The following TP53I11 variants were observed in gnomAD, a reference collection of about 807,000 sequenced individuals.
TP53I11 encodes tumor protein p53-inducible protein 11.
TP53I11 carries 9 observed loss-of-function variants against 23.3 expected under a neutral mutation model. That is an observed-to-expected ratio of 0.39 (90% CI 0.23 to 0.67). The LOEUF (loss-of-function observed/expected upper bound fraction) is 0.67, where lower values mean the gene tolerates loss of function less well. Among genes scored for constraint, TP53I11 ranks in the 30% least tolerant of loss-of-function variants. The pLI is 0.48. For missense variants in TP53I11, 170 were observed against 255.2 expected (o/e 0.67, Z 2.27); for synonymous variants, 100 against 106.1 (o/e 0.94, Z 0.35).
intron 1 of TP53I11, among the ~76,000 whole-genome samples, chr11:44,946,220 C>T (rs141808091): frequency 2.0e-5 from 3 of 152,230 alleles, no homozygotes; most frequent in Admixed American, 6.5e-5. Context: ...ATCCTCACAG[C>T]GGCCTCTGGG....
intron 1 of TP53I11, among the ~76,000 whole-genome samples, chr11:44,944,695 C>T (rs1374874661): frequency 6.6e-6 from 1 of 152,188 alleles, no homozygotes; most frequent in Admixed American, 6.5e-5. Context: ...CCTCTCTGAG[C>T]CTCTATGTCC....
Position 44,936,880 on chromosome 11 carries a change from T to A in TP53I11, c.257A>T (p.Gln86Leu). 1 of 1,608,132 alleles carries A rather than the reference T, an allele frequency of 6.2e-7. No individual in the cohort carries two copies. Among genetic ancestry groups the A allele is most frequent in the Non-Finnish European group, 8.5e-7 (1 of 1,177,982 alleles). Residue 86 changes from glutamine to leucine, a missense_variant, in exon 5 of 7, where the codon CAG becomes CTG. Transcript: ENST00000525680. This position sits in a 1 kb window ranked among gnomAD's most constrained non-coding sequence, Gnocchi z 4.4. Reference sequence around the variant, plus strand: ...TCCATCAAAGACCGCATCATAGAGCTGGTCAGGGAAGGCAAGCGCCTGCGG... The same window carrying A: ...TCCATCAAAGACCGCATCATAGAGCAGGTCAGGGAAGGCAAGCGCCTGCGG... ...IAIMALAFPD[Q>L]LYDAVFDGAQ...
Position 44,933,763 on chromosome 11 carries a change from G to A in TP53I11, c.*1121C>T, listed in dbSNP as rs1860796176. ...GCTGAAATGTTTCTACTTATTTCCTGTGCTGAGTTGGAGGGCCACCTGATC... is the reference window on the plus strand; with the variant it reads ...GCTGAAATGTTTCTACTTATTTCCTATGCTGAGTTGGAGGGCCACCTGATC... On this transcript the variant is annotated 3_prime_UTR_variant, in exon 7 of 7. Transcript: ENST00000525680. 6.6e-6 allele frequency: 1 copy of A among 152,386 alleles called. No homozygotes were observed. Among genetic ancestry groups the A allele is most frequent in the African/African-American group, 2.4e-5 (1 of 41,446 alleles). 9.4% of individuals were successfully genotyped at this position (152,386 alleles called of 1,614,324 possible). A position where few individuals can be genotyped will look rare whatever the true frequency, so the allele number is the denominator to read the frequency against.
chr11:44,947,428 C>A lies in TP53I11; in HGVS notation c.-32+3249G>T, dbSNP rs573453839. On this transcript the variant is annotated intron_variant, in intron 1 of 6. Coordinates refer to ENST00000525680, the MANE Select transcript of TP53I11 (RefSeq NM_006034.5). ...CCCCACTCTCCCCATGCCCCTCCCC[C>A]ACCCCGTGGCTGTTCAGGAACTTAG... Among the ~76,000 whole-genome samples the A allele has an allele frequency of 8.1e-4, 124 of 152,298 alleles. 1 individual carries two copies. The highest frequency in any genetic ancestry group is 2.0e-3 in the African/African-American group (83 of 41,568).
chr11:44,936,562 T>G lies in TP53I11; in HGVS notation c.334+241A>C, dbSNP rs926167053. 1.2e-5 allele frequency: 16 copies of G among 1,307,612 alleles called. No homozygotes were observed. Among genetic ancestry groups the G allele is most frequent in the South Asian group, 6.9e-5 (3 of 43,566 alleles). The allele number at this position is 1,307,612 out of a possible 1,614,324, so 81.0% of individuals were successfully genotyped here. A position where few individuals can be genotyped will look rare whatever the true frequency, so the allele number is the denominator to read the frequency against. On this transcript the variant is annotated intron_variant, in intron 5 of 6. Coordinates refer to ENST00000525680, the MANE Select transcript of TP53I11 (RefSeq NM_006034.5). The surrounding 1 kb of genome is among the most constrained non-coding windows in gnomAD (Gnocchi z 4.4). ...CGCCCAGAGGCAGTGCACACACTTATGAGCGCTCCTTGCAGATGGTGGCGA... is the reference window on the plus strand; with the variant it reads ...CGCCCAGAGGCAGTGCACACACTTAGGAGCGCTCCTTGCAGATGGTGGCGA...
rs185556675 is a variant in TP53I11 at position 44,942,697 on chromosome 11, G to C, written c.-31-4331C>G. Among the ~76,000 whole-genome samples the C allele has an allele frequency of 1.1e-3, 167 of 152,314 alleles. 1 individual carries two copies. In the South Asian group the frequency reaches 0.017, roughly 15 times the overall value. On this transcript the variant is annotated intron_variant, in intron 1 of 6. Coordinates refer to ENST00000525680, the MANE Select transcript of TP53I11 (RefSeq NM_006034.5). ...CACCTCCCAAGCCCACCCTAGCAGG[G>C]AGGGCATCACTCACAAAGGGCCCAT...
At chr11:44,938,101 T>A (rs190266735) in intron 2 of TP53I11, 106 bp downstream of exon 2, 13 of 1,418,160 alleles carry the variant, frequency 9.2e-6, no homozygotes, top group African/African-American at 1.5e-5. Flanking sequence ...ATCAGCTAAG[T>A]CCTAGAACTC....
rs531410466 is a variant in TP53I11 at position 44,948,859 on chromosome 11, T to A, written c.-32+1818A>T. Among the ~76,000 whole-genome samples the A allele has an allele frequency of 5.9e-5, 9 of 152,070 alleles. No homozygotes were observed. In the East Asian group the frequency reaches 1.2e-3, roughly 20 times the overall value. On this transcript the variant is annotated intron_variant, in intron 1 of 6. Coordinates refer to ENST00000525680, the MANE Select transcript of TP53I11 (RefSeq NM_006034.5). Reference sequence around the variant, plus strand: ...ACAGAGGTGGGGCTATCAAAAGAAATTGGGAGGCTGGGTGTGAGCTGGAGA... The same window carrying A: ...ACAGAGGTGGGGCTATCAAAAGAAAATGGGAGGCTGGGTGTGAGCTGGAGA...
chr11:44,935,022 G>A lies in TP53I11; in HGVS notation c.437-5C>T, dbSNP rs950020126. 2.5e-6 allele frequency: 4 copies of A among 1,613,406 alleles called. No individual in the cohort carries two copies. The highest frequency in any genetic ancestry group is 3.4e-6 in the Non-Finnish European group (4 of 1,179,952). ...CAGCTAGCGTGGCAGTGACCACTGT[G>A]GGAGAGAGTCCAGCAAGGCCACAGG... On this transcript the variant is annotated splice_polypyrimidine_tract_variant and splice_region_variant and intron_variant, in intron 6 of 6. Transcript: ENST00000525680.
chr11:44,942,422 C>T (rs1181682825), intron 1 of TP53I11, among the ~76,000 whole-genome samples: 4 of 121,656 alleles, frequency 3.3e-5, no homozygotes, highest in Admixed American at 1.8e-4. Context: ...ACCACACACA[C>T]ACACCATACA....
intron 1 of TP53I11, among the ~76,000 whole-genome samples, chr11:44,947,682 A>G (rs1862525145): frequency 6.6e-6 from 1 of 152,120 alleles, no homozygotes. Context: ...CTTAGTGGTT[A>G]AAGGACTAGC....
At chr11:44,942,242 C>G (rs1323239409) in intron 1 of TP53I11, among the ~76,000 whole-genome samples, 1 of 124,492 alleles carries the variant, frequency 8.0e-6, no homozygotes, top group African/African-American at 3.0e-5. Context: ...CCACACACCA[C>G]ACACACCCAC....
chr11:44,945,855 C>G (rs1021316759), intron 1 of TP53I11, among the ~76,000 whole-genome samples: 1 of 152,152 alleles, frequency 6.6e-6, no homozygotes, highest in African/African-American at 2.4e-5. Flanking sequence ...CCAGAGCTTG[C>G]GTCATCCGCT....
chr11:44,936,303 T>C lies in TP53I11; in HGVS notation c.334+500A>G. On this transcript the variant is annotated intron_variant, in intron 5 of 6. Coordinates refer to ENST00000525680, the MANE Select transcript of TP53I11 (RefSeq NM_006034.5). The surrounding 1 kb of genome is among the most constrained non-coding windows in gnomAD (Gnocchi z 4.4). ...GTAGGCAATAGGGAGCCATAGAATA[T>C]TTCGTAGAAATAGAGGCATATTACC... The C allele has an allele frequency of 8.6e-7, 1 of 1,164,226 alleles. No individual in the cohort carries two copies. Among genetic ancestry groups the C allele is most frequent in the Non-Finnish European group, 1.1e-6 (1 of 946,080 alleles). The allele number at this position is 1,164,226 out of a possible 1,614,324, so 72.1% of individuals were successfully genotyped here.
intron 5 of TP53I11, 31 bp from the exon 6 acceptor site, chr11:44,935,693 G>C: frequency 8.0e-7 from 1 of 1,255,384 alleles, no homozygotes; most frequent in Non-Finnish European, 1.1e-6. Context: ...GGGGCTGGGG[G>C]TGGGACAGCT....
In TP53I11 at chr11:44,935,058, G is replaced by C. The variant is rs745684062; in HGVS notation, c.437-41C>G. The C allele has an allele frequency of 1.6e-5, 26 of 1,610,582 alleles. No homozygotes were observed. In the Admixed American group the frequency reaches 2.2e-4, roughly 13 times the overall value. On this transcript the variant is annotated intron_variant, in intron 6 of 6. Transcript: ENST00000525680. ...CAGCAAGGCCACAGGGTCAGAGGAG[G>C]GGATGTGTCCCAGCGCTGCCCCCCT...
rs753197355 is a variant in TP53I11, at chr11:44,938,363, A to C, written c.-28T>G. The C allele has an allele frequency of 6.4e-7, 1 of 1,566,142 alleles. No homozygotes were observed. Among genetic ancestry groups the C allele is most frequent in the Non-Finnish European group, 8.6e-7 (1 of 1,157,126 alleles). On this transcript the variant is annotated 5_prime_UTR_variant, in exon 2 of 7. Transcript: ENST00000525680. ...TCTCCTCCAGCCCGGCCTCTGCAGAAGGGCTGAGGGGAGACACCGGCCTCA... is the reference window on the plus strand; with the variant it reads ...TCTCCTCCAGCCCGGCCTCTGCAGACGGGCTGAGGGGAGACACCGGCCTCA...
rs1861069304 is a variant in TP53I11 at position 44,936,001 on chromosome 11, T to C, written c.335-339A>G. 1.7e-5 allele frequency: 7 copies of C among 405,188 alleles called. No individual in the cohort carries two copies. In the South Asian group the frequency reaches 1.9e-4, roughly 11 times the overall value. The allele number at this position is 405,188 out of a possible 1,614,324, so 25.1% of individuals were successfully genotyped here. ...ATGTCCGGTTCTGTCAGGAGGATGC[T>C]GTGTTCATGGAGTTCATGAGTTAAT... On this transcript the variant is annotated intron_variant, in intron 5 of 6. Coordinates refer to ENST00000525680, the MANE Select transcript of TP53I11 (RefSeq NM_006034.5). This position sits in a 1 kb window ranked among gnomAD's most constrained non-coding sequence, Gnocchi z 4.4.
intron 1 of TP53I11, 69 bp from the exon 2 acceptor site, chr11:44,938,435 A>G: frequency 7.0e-7 from 1 of 1,425,784 alleles, no homozygotes; most frequent in Non-Finnish European, 9.2e-7. Flanking sequence ...AAGGGGCCTG[A>G]CTAGCGGAAG....
Sources: gnomAD v4.1 joint callset for allele counts (sites outside exome capture counted in the v4.1 genomes callset) on GRCh38, gnomAD v4.1.1 for gene constraint, Gnocchi (gnomAD v3.1) non-coding constraint, MANE v1.5 for transcripts, NCBI Gene and HGNC (gene_info 2026-07-23, HGNC 2026-07-21) for gene names.